MAP2K6: variants seen among roughly 807,000 people sequenced by gnomAD.
MAP2K6 encodes mitogen-activated protein kinase kinase 6, also known as dual specificity mitogen-activated protein kinase kinase 6.
A neutral mutation model predicts 53.7 loss-of-function variants in MAP2K6; 16 were observed. The ratio of observed to expected loss-of-function variants is 0.30; its 90% CI spans 0.20 to 0.45. The LOEUF (loss-of-function observed/expected upper bound fraction) is 0.45. MAP2K6 is among the 20% of genes least tolerant of loss of function. The pLI is 1.00. For missense variants in MAP2K6, 204 were observed against 411.9 expected, an observed-to-expected ratio of 0.50 and a Z score of 4.37; for synonymous variants, 132 against 143.1, an observed-to-expected ratio of 0.92 and a Z score of 0.55.
At chr17:69,468,236 A>G (rs895497182) in intron 1 of MAP2K6, among the ~76,000 whole-genome samples, 8 of 152,168 alleles carry the variant, frequency 5.3e-5, no homozygotes, top group Middle Eastern at 3.2e-3. Context: ...CATCTCTACC[A>G]TCACTAATCC....
intron 10 of MAP2K6, among the ~76,000 whole-genome samples, chr17:69,533,334 G>A (rs1911184276): frequency 6.6e-6 from 1 of 152,152 alleles, no homozygotes; most frequent in South Asian, 2.1e-4. Flanking sequence ...AAAAAATACA[G>A]TATTTTTAAA....
intron 1 of MAP2K6, chr17:69,502,606 C>A (rs1490722080): frequency 1.0e-6 from 1 of 985,158 alleles, no homozygotes; most frequent in African/African-American, 1.7e-5. Context: ...ATGCAGATGT[C>A]CAACTTATAT....
At position 69,546,711 on chromosome 17, in the gene MAP2K6, T is replaced by C. The variant is rs574820472; in HGVS notation, c.*4958T>C. ...TGGTAGTCAGATCTAGTAAAATGGA[T>C]TAAATGTCAATTGTGCTGGGATTTT... On this transcript the variant is annotated 3_prime_UTR_variant, in exon 12 of 12. Transcript: ENST00000590474. 4.6e-5 allele frequency: 7 copies of C among 152,294 alleles called. No individual in the cohort carries two copies. In the East Asian group the frequency reaches 1.3e-3, roughly 29 times the overall value. The allele number at this position is 152,294 out of a possible 1,614,324, so 9.4% of individuals were successfully genotyped here.
intron 1 of MAP2K6, among the ~76,000 whole-genome samples, chr17:69,430,297 C>T (rs1169878748): frequency 1.3e-5 from 2 of 151,996 alleles, no homozygotes; most frequent in Non-Finnish European, 2.9e-5. Flanking sequence ...GATCGTGCCA[C>T]TGCACTCCAG....
intron 11 of MAP2K6, among the ~76,000 whole-genome samples, chr17:69,539,044 T>C (rs937315880): frequency 6.6e-6 from 1 of 152,184 alleles, no homozygotes; most frequent in East Asian, 1.9e-4. Flanking sequence ...CTGTCCTAGA[T>C]GATAATCACC....
rs1201679494 is a variant in MAP2K6 at position 69,500,680 on chromosome 17, C to T, written c.17-5100C>T. Among the ~76,000 whole-genome samples, 4 of 150,560 alleles carry T rather than the reference C, an allele frequency of 2.7e-5. No individual in the cohort carries two copies. In the South Asian group the frequency reaches 6.3e-4, roughly 24 times the overall value. ...CTGAGGCAGGAGAATCACACAAAGC[C>T]GGGAGGCGGAGGTTGCAGTGAGCTG... On this transcript the variant is annotated intron_variant, in intron 1 of 11. Transcript: ENST00000590474.
chr17:69,426,171 C>T (rs1389298963), intron 1 of MAP2K6, among the ~76,000 whole-genome samples: 3 of 152,158 alleles, frequency 2.0e-5, no homozygotes, highest in East Asian at 1.9e-4. Context: ...CCACTGTTCC[C>T]GGCTCAAATA....
At chr17:69,424,097 A>G (rs1339379025) in intron 1 of MAP2K6, among the ~76,000 whole-genome samples, 2 of 152,110 alleles carry the variant, frequency 1.3e-5, no homozygotes, top group East Asian at 1.9e-4. Flanking sequence ...ATCTCCTGCA[A>G]AGTTTAGAGC....
intron 1 of MAP2K6, among the ~76,000 whole-genome samples, chr17:69,442,006 C>A (rs557648084): frequency 2.6e-5 from 4 of 152,244 alleles, no homozygotes; most frequent in African/African-American, 7.2e-5. Flanking sequence ...GTTTTGCTAC[C>A]ACTGAACAGT....
chr17:69,454,559 A>T (rs1383280895), intron 1 of MAP2K6, among the ~76,000 whole-genome samples: 2 of 140,486 alleles, frequency 1.4e-5, no homozygotes, highest in African/African-American at 2.6e-5. Context: ...TAATTTTTGT[A>T]TTTTTTTTTT....
chr17:69,441,471 C>G (rs1341187662), intron 1 of MAP2K6, among the ~76,000 whole-genome samples: 2 of 152,074 alleles, frequency 1.3e-5, no homozygotes, highest in Non-Finnish European at 2.9e-5. Context: ...TCTAAATTTT[C>G]CATTTGGTTC....
rs1159857486 is a variant in MAP2K6 at position 69,494,088 on chromosome 17, A to G, written c.17-11692A>G. Among the ~76,000 whole-genome samples, 1 of 152,222 alleles carries G rather than the reference A, an allele frequency of 6.6e-6. No individual in the cohort carries two copies. The highest frequency in any genetic ancestry group is 2.4e-5 in the African/African-American group (1 of 41,466). On this transcript the variant is annotated intron_variant, in intron 1 of 11. Transcript: ENST00000590474. This position sits in a 1 kb window ranked among gnomAD's most constrained non-coding sequence, Gnocchi z 4.2. ...CAACAGAGGGATGTGTGAGTCAATA[A>G]CAAGGGATAAGAGCAGCAGAATCCA...
At chr17:69,415,691 T>C (rs956199356) in intron 1 of MAP2K6, among the ~76,000 whole-genome samples, 4 of 152,152 alleles carry the variant, frequency 2.6e-5, no homozygotes, top group Admixed American at 6.6e-5. Context: ...TCTGCCCATT[T>C]GGGGGATGCT....
At chr17:69,521,020 A>G (rs1910436209) in intron 6 of MAP2K6, 29 bp from the exon 7 acceptor site, 1 of 1,552,534 alleles carries the variant, frequency 6.4e-7, no homozygotes, top group Non-Finnish European at 8.8e-7. Flanking sequence ...CAATGTGATA[A>G]ATAAATCTAT....
chr17:69,516,924 C>T (rs1216702410), intron 3 of MAP2K6, 21 bp downstream of exon 3: 1 of 1,553,864 alleles, frequency 6.4e-7, no homozygotes, highest in African/African-American at 1.4e-5. Context: ...ATCATGTCTG[C>T]CACCTAATAC....
chr17:69,458,278 C>T (rs1907491307), intron 1 of MAP2K6, among the ~76,000 whole-genome samples: 2 of 152,196 alleles, frequency 1.3e-5, no homozygotes, highest in Non-Finnish European at 2.9e-5. Flanking sequence ...GTCTCAAACT[C>T]CTGTCCTCAA....
At chr17:69,499,515 C>G (rs1459674956) in intron 1 of MAP2K6, among the ~76,000 whole-genome samples, 1 of 152,144 alleles carries the variant, frequency 6.6e-6, no homozygotes, top group Non-Finnish European at 1.5e-5. Context: ...TGAAATGATT[C>G]TTATTGATGC....
At chr17:69,452,869 T>A (rs1403043965) in intron 1 of MAP2K6, among the ~76,000 whole-genome samples, 1 of 152,212 alleles carries the variant, frequency 6.6e-6, no homozygotes, top group African/African-American at 2.4e-5. Context: ...CAAAGCATAA[T>A]ATAAAATGTC....
chr17:69,542,293 T>G lies in MAP2K6; in HGVS notation c.*540T>G, dbSNP rs1911679453. 1 of 152,662 alleles carries G rather than the reference T, an allele frequency of 6.6e-6. No individual in the cohort carries two copies. Among genetic ancestry groups the G allele is most frequent in the Non-Finnish European group, 1.5e-5 (1 of 68,034 alleles). The allele number at this position is 152,662 out of a possible 1,614,324, so 9.5% of individuals were successfully genotyped here. A position where few individuals can be genotyped will look rare whatever the true frequency, so the allele number is the denominator to read the frequency against. On this transcript the variant is annotated 3_prime_UTR_variant, in exon 12 of 12. Coordinates refer to ENST00000590474, the MANE Select transcript of MAP2K6 (RefSeq NM_002758.4). Reference sequence around the variant, plus strand: ...GTGGTCCAGAAGAAATTATTTAATATGCATCTTTGAGAATATTATAAAAAT... The same window carrying G: ...GTGGTCCAGAAGAAATTATTTAATAGGCATCTTTGAGAATATTATAAAAAT...
Sources: allele counts gnomAD v4.1 joint callset (sites outside exome capture counted in the v4.1 genomes callset), GRCh38; gene constraint gnomAD v4.1.1; non-coding constraint Gnocchi (gnomAD v3.1); transcripts MANE v1.5; gene names NCBI Gene and HGNC (gene_info 2026-07-23, HGNC 2026-07-21).